Variants in RRM2 observed in about 807,000 individuals in gnomAD.
The protein encoded by RRM2 is ribonucleoside-diphosphate reductase subunit M2.
RRM2 carries 6 observed loss-of-function variants against 45.9 expected under a neutral mutation model. That is an observed-to-expected ratio of 0.13 (90% CI 0.07 to 0.26). RRM2 has a LOEUF of 0.26. Among genes scored for constraint, RRM2 ranks in the 10% least tolerant of loss-of-function variants. RRM2 has a pLI of 1.00. For missense variants in RRM2, 343 were observed against 489.5 expected (o/e 0.70, Z 2.82); for synonymous variants, 177 against 173.0 (o/e 1.02, Z -0.18).
intron 3 of RRM2, among the ~76,000 whole-genome samples, chr2:10,178,470 G>A (rs1663977882): frequency 6.9e-6 from 1 of 144,186 alleles, no homozygotes; most frequent in Admixed American, 7.2e-5. Flanking sequence ...TAATCCACCT[G>A]TCTCGGCCTC....
chr2:10,153,634 G>C (rs887842989), intron 3 of RRM2, among the ~76,000 whole-genome samples: 38 of 152,264 alleles, frequency 2.5e-4, no homozygotes, highest in African/African-American at 9.1e-4. Context: ...GAAACAGTAA[G>C]CTAAGATTGG....
intron 3 of RRM2, among the ~76,000 whole-genome samples, chr2:10,196,551 G>A (rs1324005609): frequency 6.6e-6 from 1 of 152,138 alleles, no homozygotes; most frequent in African/African-American, 2.4e-5. Flanking sequence ...GTTGCTGGGT[G>A]GGGGTGTGAA....
In RRM2 at chr2:10,184,091, T is replaced by TAAAAAAAAAAA. The variant is rs60421650; in HGVS notation, n.483-26201_483-26191dup. Among the ~76,000 whole-genome samples, 17 of 30,682 alleles carry TAAAAAAAAAAA rather than the reference T, an allele frequency of 5.5e-4. 1 individual carries two copies. The highest frequency in any genetic ancestry group is 1.3e-3 in the East Asian group (1 of 756). 20.1% of individuals were successfully genotyped at this position (30,682 alleles called of 152,430 possible). ...CTGGGTGACAGAGCGAGACTCCATC[T>TAAAAAAAAAAA]AAAAAAAAAAAAAAAAAAAAAAAAA... On this transcript the variant is annotated intron_variant and non_coding_transcript_variant, in intron 3 of 3. Coordinates refer to the RRM2 transcript ENST00000381786.
chr2:10,199,806 A>C (rs1197666212), intron 3 of RRM2, among the ~76,000 whole-genome samples: 1 of 149,692 alleles, frequency 6.7e-6, no homozygotes, highest in Non-Finnish European at 1.5e-5. Flanking sequence ...AAAAAAAAAA[A>C]AAACAAATCA....
chr2:10,153,356 C>T (rs1377866100), intron 3 of RRM2, among the ~76,000 whole-genome samples: 2 of 152,094 alleles, frequency 1.3e-5, no homozygotes, highest in African/African-American at 4.8e-5. Flanking sequence ...TTTTTTGACT[C>T]TGCGATACAA....
chr2:10,191,951 G>A (rs745762936), intron 3 of RRM2, among the ~76,000 whole-genome samples: 4 of 152,162 alleles, frequency 2.6e-5, no homozygotes, highest in African/African-American at 9.7e-5. Context: ...GACCCCTTGA[G>A]GAATCTGCAC....
chr2:10,209,052 TCTTTC>T (rs1254146333), intron 3 of RRM2, among the ~76,000 whole-genome samples: 4 of 147,360 alleles, frequency 2.7e-5, no homozygotes, highest in Non-Finnish European at 5.9e-5. Context: ...TTTCTTTCTT[TCTTTC>T]TTTTTTTTTT....
intron 3 of RRM2, among the ~76,000 whole-genome samples, chr2:10,159,296 C>T (rs1205637871): frequency 6.6e-6 from 1 of 152,182 alleles, no homozygotes; most frequent in Non-Finnish European, 1.5e-5. Context: ...CAGAGGGATC[C>T]GAGGAGGTGA....
chr2:10,198,778 A>C (rs1572532985), intron 3 of RRM2: 1 of 152,260 alleles, frequency 6.6e-6, no homozygotes, highest in East Asian at 1.9e-4. Context: ...AGGGTATTTA[A>C]GGGTTTAGGG....
downstream of RRM2, among the ~76,000 whole-genome samples, chr2:10,134,208 ACCT>A (rs1391715091): frequency 6.7e-6 from 1 of 149,534 alleles, no homozygotes; most frequent in East Asian, 1.9e-4. Context: ...ATAGATGATC[ACCT>A]CCTGGGAAAG....
rs147775354 is a variant in RRM2, at chr2:10,162,015, C to T, written n.482+19640C>T. 5.6e-4 allele frequency among the ~76,000 whole-genome samples: 86 copies of T among 152,360 alleles called. 1 individual carries two copies. The highest frequency in any genetic ancestry group is 1.9e-3 in the African/African-American group (77 of 41,590). On this transcript the variant is annotated intron_variant and non_coding_transcript_variant, in intron 3 of 3. Transcript: ENST00000381786. The stretch of plus-strand genomic sequence containing the variant: ...CGCAGCCACTGGGCAGCCGGGAAAC[C>T]GAGGCTTGCGCCTGGCTGCAGACTT...
At chr2:10,137,932 T>C (rs565573788), upstream of RRM2, among the ~76,000 whole-genome samples, 2 of 152,322 alleles carry the variant, frequency 1.3e-5, no homozygotes, top group East Asian at 3.9e-4. Context: ...CCAATGTTAC[T>C]GAAGGGCACT....
At chr2:10,198,547 C>T (rs1003189480) in intron 3 of RRM2, 16 of 152,260 alleles carry the variant, frequency 1.1e-4, no homozygotes, top group African/African-American at 2.4e-4. Context: ...AGGATACAGA[C>T]GTGCATCACT....
chr2:10,203,115 C>T (rs149098330), intron 3 of RRM2, among the ~76,000 whole-genome samples: 1 of 152,230 alleles, frequency 6.6e-6, no homozygotes, highest in Non-Finnish European at 1.5e-5. Context: ...ATCAGCCATC[C>T]ATCAGCCAGG....
intron 3 of RRM2, among the ~76,000 whole-genome samples, chr2:10,151,709 C>T (rs1023463256): frequency 2.0e-5 from 3 of 152,194 alleles, no homozygotes; most frequent in African/African-American, 4.8e-5. Context: ...GCTTTACATG[C>T]CTCTGAGCAC....
At chr2:10,124,101 G>T (rs1572486413) in intron 4 of RRM2, 1 of 418,742 alleles carries the variant, frequency 2.4e-6, no homozygotes, top group Non-Finnish European at 4.1e-6. Context: ...CACCACATCT[G>T]CCCCCTCTTT....
In RRM2 at chr2:10,208,567, C is replaced by T. The variant is rs139015079; in HGVS notation, n.483-1744C>T. On this transcript the variant is annotated intron_variant and non_coding_transcript_variant, in intron 3 of 3. Coordinates refer to the RRM2 transcript ENST00000381786. ...GATTCTGTAATGGAAAGTAATTGCA[C>T]GCCACTCATCTTTGTTAATTTAAGA... 3.9e-3 allele frequency among the ~76,000 whole-genome samples: 596 copies of T among 152,282 alleles called. 2 individuals carry two copies. The highest frequency in any genetic ancestry group is 6.9e-3 in the Admixed American group (106 of 15,290).
At chr2:10,137,378 A>G (rs1352905780), upstream of RRM2, among the ~76,000 whole-genome samples, 3 of 152,176 alleles carry the variant, frequency 2.0e-5, no homozygotes, top group African/African-American at 7.2e-5. Flanking sequence ...AGTGAGTCAT[A>G]TGGAAGGGTT....
intron 3 of RRM2, among the ~76,000 whole-genome samples, chr2:10,170,878 A>T (rs1425569368): frequency 6.6e-6 from 1 of 152,238 alleles, no homozygotes; most frequent in Non-Finnish European, 1.5e-5. Context: ...GCCAGAAAGA[A>T]GCTGTGTCTG....
Sources: gnomAD v4.1 joint callset for allele counts (sites outside exome capture counted in the v4.1 genomes callset) on GRCh38, gnomAD v4.1.1 for gene constraint, MANE v1.5 for transcripts, NCBI Gene and HGNC (gene_info 2026-07-23, HGNC 2026-07-21) for gene names.